The following ZFYVE9 variants were observed in gnomAD, a reference collection of about 807,000 sequenced individuals.
ZFYVE9 encodes zinc finger FYVE domain-containing protein 9.
ZFYVE9 carries 43 observed loss-of-function variants against 126.7 expected under a neutral mutation model. That is an observed-to-expected ratio of 0.34 (90% CI 0.27 to 0.44). The LOEUF is 0.44. Ranked by LOEUF, ZFYVE9 falls within the 20% of genes least tolerant of loss-of-function variation. The pLI is 1.00. For missense variants in ZFYVE9, 1,476 were observed against 1,697.0 expected (o/e 0.87, Z 2.29); for synonymous variants, 521 against 597.4 (o/e 0.87, Z 1.87).
intron 1 of ZFYVE9, among the ~76,000 whole-genome samples, chr1:52,146,593 A>G (rs546055471): frequency 4.6e-5 from 7 of 152,298 alleles, no homozygotes; most frequent in Admixed American, 3.9e-4. Flanking sequence ...ATTAAATGAT[A>G]TAATGGGTAA....
At chr1:52,199,875 A>G (rs1237646963) in intron 1 of ZFYVE9, among the ~76,000 whole-genome samples, 1 of 152,158 alleles carries the variant, frequency 6.6e-6, no homozygotes, top group Non-Finnish European at 1.5e-5. Context: ...TGGCCATTCT[A>G]ATAGGTGTGT....
chr1:52,290,180 G>T (rs1569681972), intron 10 of ZFYVE9, among the ~76,000 whole-genome samples: 1 of 152,220 alleles, frequency 6.6e-6, no homozygotes, highest in African/African-American at 2.4e-5. Flanking sequence ...CATCTGGTGA[G>T]GACCTTTTTG....
At chr1:52,266,947 G>A in intron 6 of ZFYVE9, 116 bp downstream of exon 6, 1 of 988,056 alleles carries the variant, frequency 1.0e-6, no homozygotes, top group Non-Finnish European at 1.4e-6. Flanking sequence ...CTCTTTGGGT[G>A]GTTATTAAAA....
chr1:52,346,038 T>C, intron 18 of ZFYVE9, 22 bp from the exon 19 acceptor site: 2 of 1,560,692 alleles, frequency 1.3e-6, no homozygotes, highest in Non-Finnish European at 1.7e-6. Flanking sequence ...TAACCTCTCC[T>C]CCTTTTCTCT....
At chr1:52,170,451 T>G (rs894330274) in intron 1 of ZFYVE9, among the ~76,000 whole-genome samples, 33 of 152,162 alleles carry the variant, frequency 2.2e-4, no homozygotes, top group Non-Finnish European at 8.8e-5. Flanking sequence ...CATTTCAAAT[T>G]CATTTCTTTT....
chr1:52,160,702 C>G (rs1018460532), intron 1 of ZFYVE9: 1 of 466,954 alleles, frequency 2.1e-6, no homozygotes, highest in African/African-American at 2.0e-5. Context: ...GCGTGAGCCA[C>G]TGTGCCCGGC....
Position 52,299,985 on chromosome 1 carries a change from G to A in ZFYVE9, c.3334-3836G>A, listed in dbSNP as rs114613088. 4.9e-3 allele frequency among the ~76,000 whole-genome samples: 742 copies of A among 152,310 alleles called. 5 individuals are homozygous for A. The highest frequency in any genetic ancestry group is 0.017 in the African/African-American group (699 of 41,578). ...AGGCTGCAGTGGTCATGGGGACCAT[G>A]GGTCCCCAGCTTACCCTTTCCCCAT... On this transcript the variant is annotated intron_variant, in intron 12 of 18. Transcript: ENST00000287727.
chr1:52,145,316 C>A (rs932745049), intron 1 of ZFYVE9, among the ~76,000 whole-genome samples: 1 of 152,168 alleles, frequency 6.6e-6, no homozygotes, highest in Admixed American at 6.6e-5. Context: ...ACTGTTCATT[C>A]CATTCAGTAA....
chr1:52,178,730 A>G (rs1398330916), intron 1 of ZFYVE9, among the ~76,000 whole-genome samples: 1 of 152,216 alleles, frequency 6.6e-6, no homozygotes, highest in Non-Finnish European at 1.5e-5. Flanking sequence ...GAAACTATTG[A>G]AGAAAACAAA....
chr1:52,279,649 G>A (rs568657468), intron 9 of ZFYVE9, among the ~76,000 whole-genome samples: 1 of 152,070 alleles, frequency 6.6e-6, no homozygotes, highest in South Asian at 2.1e-4. Context: ...GTATTTTTTT[G>A]TAGAGACAGG....
chr1:52,178,235 C>T (rs7526105), intron 1 of ZFYVE9, among the ~76,000 whole-genome samples: 4,919 of 143,920 alleles, frequency 0.034, 206 homozygotes, highest in African/African-American at 0.1. Flanking sequence ...GCCCAGATCC[C>T]GCCACTGCAC....
intron 4 of ZFYVE9, among the ~76,000 whole-genome samples, chr1:52,244,030 A>G (rs926881272): frequency 6.6e-6 from 1 of 152,200 alleles, no homozygotes; most frequent in Non-Finnish European, 1.5e-5. Context: ...TTTATCACCT[A>G]TATAAAATAC....
intron 2 of ZFYVE9, among the ~76,000 whole-genome samples, chr1:52,230,059 G>A (rs1307245830): frequency 2.0e-5 from 3 of 151,938 alleles, no homozygotes; most frequent in African/African-American, 2.4e-5. Flanking sequence ...TAGTAGAGAC[G>A]GGGTTTCACC....
chr1:52,291,371 T>A (rs1195798419), intron 10 of ZFYVE9, among the ~76,000 whole-genome samples: 1 of 152,194 alleles, frequency 6.6e-6, no homozygotes, highest in Non-Finnish European at 1.5e-5. Context: ...ATTTCTCTGA[T>A]GGAGATTGCT....
At chr1:52,225,044 T>C (rs759484008) in intron 2 of ZFYVE9, among the ~76,000 whole-genome samples, 2 of 152,242 alleles carry the variant, frequency 1.3e-5, no homozygotes, top group East Asian at 3.9e-4. Context: ...GAGTCCGGAC[T>C]CCACACTCGC....
intron 1 of ZFYVE9, among the ~76,000 whole-genome samples, chr1:52,172,336 C>A (rs1466794871): frequency 6.6e-6 from 1 of 152,108 alleles, no homozygotes; most frequent in African/African-American, 2.4e-5. Flanking sequence ...TTTCTGAGGG[C>A]TCTGTTCTGT....
intron 11 of ZFYVE9, 23 bp from the exon 12 acceptor site, chr1:52,295,872 T>C: frequency 6.3e-7 from 1 of 1,596,240 alleles, no homozygotes; most frequent in Non-Finnish European, 8.5e-7. Flanking sequence ...AAATTTAAGT[T>C]TGATCATTTC....
chr1:52,263,093 A>AG (rs1553130099), intron 4 of ZFYVE9, among the ~76,000 whole-genome samples: 1,799 of 150,830 alleles, frequency 0.012, 36 homozygotes, highest in African/African-American at 0.042. Flanking sequence ...AAAAAAAAAA[A>AG]AAAAGAAAAG....
At chr1:52,317,895 A>G (rs60058339) in intron 13 of ZFYVE9, among the ~76,000 whole-genome samples, 2 of 152,362 alleles carry the variant, frequency 1.3e-5, no homozygotes, top group African/African-American at 2.4e-5. Flanking sequence ...CCCTGTATTT[A>G]TTAAAAGAAT....
Sources: gnomAD v4.1 joint callset for allele counts (sites outside exome capture counted in the v4.1 genomes callset) on GRCh38, gnomAD v4.1.1 for gene constraint, MANE v1.5 for transcripts, NCBI Gene and HGNC (gene_info 2026-07-23, HGNC 2026-07-21) for gene names.